Variants in DIAPH2 observed in about 807,000 individuals in gnomAD.
DIAPH2 encodes the protein protein diaphanous homolog 2.
In DIAPH2, 35 loss-of-function variants were observed where a neutral mutation model predicts 92.7. The observed-to-expected ratio is 0.38, with a 90% CI of 0.29 to 0.50. The LOEUF is 0.50. DIAPH2 is among the 20% of genes least tolerant of loss of function. The probability of loss-of-function intolerance (pLI) is 0.94; values close to 1 mark genes in which losing one functional copy is unlikely to be tolerated. For synonymous variants in DIAPH2, 301 were observed against 280.4 expected, an observed-to-expected ratio of 1.07 and a Z score of -0.73; for missense variants, 701 against 819.5, an observed-to-expected ratio of 0.86 and a Z score of 1.77.
At chrX:97,233,609 G>A (rs1410348124) in intron 22 of DIAPH2, among the ~76,000 whole-genome samples, 1 of 111,379 alleles carries the variant, frequency 9.0e-6, no homozygotes, top group Non-Finnish European at 1.9e-5. Flanking sequence ...CTATAAGATG[G>A]GATAATGGAG....
At chrX:97,275,860 GC>G (rs1366246613) in intron 23 of DIAPH2, among the ~76,000 whole-genome samples, 1 of 111,734 alleles carries the variant, frequency 8.9e-6, no homozygotes, top group Non-Finnish European at 1.9e-5. Flanking sequence ...GACGCTCCTT[GC>G]TTCCCAGACT....
intron 22 of DIAPH2, among the ~76,000 whole-genome samples, chrX:97,208,401 C>A (rs767056146): frequency 8.9e-6 from 1 of 112,041 alleles, no homozygotes; most frequent in East Asian, 2.8e-4. Flanking sequence ...AAGGAGTCAA[C>A]CAGTTCTGCA....
At chrX:97,036,615 A>C (rs2066412355) in intron 17 of DIAPH2, among the ~76,000 whole-genome samples, 1 of 112,035 alleles carries the variant, frequency 8.9e-6, no homozygotes, top group African/African-American at 3.2e-5. Context: ...TGGAGCTGGT[A>C]ATCAGAATAG....
chrX:97,387,000 G>A (rs908053134), intron 25 of DIAPH2, among the ~76,000 whole-genome samples: 5 of 110,969 alleles, frequency 4.5e-5, no homozygotes, highest in Non-Finnish European at 9.4e-5. Context: ...TTATAAACTG[G>A]AAAATGATGT....
Position 96,808,539 on chromosome X carries a change from C to T in DIAPH2, c.447+50281C>T, listed in dbSNP as rs1301779103. Among the ~76,000 whole-genome samples, 2 of 111,346 alleles carry T rather than the reference C, an allele frequency of 1.8e-5. 1 individual carries two copies. The highest frequency in any genetic ancestry group is 3.8e-5 in the Non-Finnish European group (2 of 52,979). On this transcript the variant is annotated intron_variant, in intron 4 of 26. Transcript: ENST00000324765. The stretch of plus-strand genomic sequence containing the variant: ...CATAAACATGGTAATGCTCAATTGT[C>T]CATTAAGGAAGACATTTCACATTTT...
In DIAPH2 at chrX:97,042,564, G is replaced by A. The variant is rs2066454979; in HGVS notation, c.2051-30377G>A. 4.5e-5 allele frequency among the ~76,000 whole-genome samples: 5 copies of A among 111,887 alleles called. No homozygotes were observed. In the Admixed American group the frequency reaches 4.7e-4, roughly 11 times the overall value. On this transcript the variant is annotated intron_variant, in intron 17 of 26. Coordinates refer to ENST00000324765, the MANE Select transcript of DIAPH2 (RefSeq NM_006729.5). ...TTACTATCATACCAACTTTTCCCAT[G>A]TGTGCATGTGTGTATACATGTGTAT...
chrX:97,516,270 T>TA (rs1034274481), intron 26 of DIAPH2, among the ~76,000 whole-genome samples: 3 of 106,677 alleles, frequency 2.8e-5, no homozygotes, highest in African/African-American at 1.0e-4. Context: ...AAATAATAAA[T>TA]AAAAAAAAAG....
chrX:97,186,738 C>T (rs1319439267), intron 22 of DIAPH2, among the ~76,000 whole-genome samples: 1 of 111,956 alleles, frequency 8.9e-6, no homozygotes, highest in African/African-American at 3.2e-5. Flanking sequence ...AACTGGCTTG[C>T]ATACTACAGG....
At chrX:97,103,763 G>T (rs187595975) in intron 20 of DIAPH2, among the ~76,000 whole-genome samples, 1 of 111,898 alleles carries the variant, frequency 8.9e-6, no homozygotes, top group African/African-American at 3.3e-5. Flanking sequence ...TAGCACTAAA[G>T]CTACAGCATT....
At chrX:97,589,146 CAT>C (rs1271248443) in intron 26 of DIAPH2, among the ~76,000 whole-genome samples, 1 of 98,775 alleles carries the variant, frequency 1.0e-5, no homozygotes, top group African/African-American at 3.6e-5. Flanking sequence ...GGTGAAACCC[CAT>C]CTCTACTAAA....
At chrX:97,042,919 T>A (rs1313057315) in intron 17 of DIAPH2, among the ~76,000 whole-genome samples, 1 of 111,518 alleles carries the variant, frequency 9.0e-6, no homozygotes, top group Non-Finnish European at 1.9e-5. Context: ...TTTTAAAGAA[T>A]ACTTGTCTGG....
At position 97,160,525 on chromosome X, in the gene DIAPH2, G is replaced by C. The variant is rs766498917; in HGVS notation, c.2719+18731G>C. On this transcript the variant is annotated intron_variant, in intron 22 of 26. Coordinates refer to ENST00000324765, the MANE Select transcript of DIAPH2 (RefSeq NM_006729.5). Reference sequence around the variant, plus strand: ...TTAAATTATCTTGGGAACAGTGTCAGATATATATATATTGCTAAGGCATAC... The same window carrying C: ...TTAAATTATCTTGGGAACAGTGTCACATATATATATATTGCTAAGGCATAC... Among the ~76,000 whole-genome samples the C allele has an allele frequency of 1.3e-3, 140 of 111,179 alleles. No homozygotes were observed. In the Middle Eastern group the frequency reaches 0.014, roughly 11 times the overall value.
At chrX:97,451,104 A>C (rs1569400797) in intron 26 of DIAPH2, among the ~76,000 whole-genome samples, 1 of 111,477 alleles carries the variant, frequency 9.0e-6, no homozygotes, top group Non-Finnish European at 1.9e-5. Flanking sequence ...TATTTCCTAC[A>C]GTGGCTAAGA....
chrX:97,123,391 T>A (rs2067070671), intron 21 of DIAPH2, among the ~76,000 whole-genome samples: 1 of 112,332 alleles, frequency 8.9e-6, no homozygotes, highest in African/African-American at 3.2e-5. Flanking sequence ...AATATGTAAT[T>A]TTTCAAAGGC....
chrX:96,849,521 A>T (rs1013704838), intron 4 of DIAPH2, among the ~76,000 whole-genome samples: 1 of 111,425 alleles, frequency 9.0e-6, no homozygotes, highest in East Asian at 2.8e-4. Context: ...TAGGATGCCC[A>T]CTATTTGTGT....
At chrX:97,506,322 G>T (rs1487400511) in intron 26 of DIAPH2, among the ~76,000 whole-genome samples, 5 of 106,891 alleles carry the variant, frequency 4.7e-5, no homozygotes, top group Non-Finnish European at 9.6e-5. Flanking sequence ...GCTAATTTTT[G>T]CATTTTTTAG....
intron 19 of DIAPH2, among the ~76,000 whole-genome samples, chrX:97,086,865 G>T (rs1486955206): frequency 1.8e-5 from 2 of 111,278 alleles, no homozygotes; most frequent in Non-Finnish European, 1.9e-5. Context: ...AAAGCCCATT[G>T]TTTGACCTGT....
chrX:97,451,999 G>C (rs1424519283), intron 26 of DIAPH2, among the ~76,000 whole-genome samples: 1 of 110,950 alleles, frequency 9.0e-6, no homozygotes, highest in East Asian at 2.8e-4. Context: ...AAATTATTTT[G>C]GATCAAGGAC....
At chrX:97,320,553 A>G (rs2068883853) in intron 23 of DIAPH2, among the ~76,000 whole-genome samples, 3 of 110,080 alleles carry the variant, frequency 2.7e-5, no homozygotes, top group South Asian at 4.0e-4. Flanking sequence ...TGTCTATACT[A>G]AAAATACAAA....
Sources: allele counts gnomAD v4.1 joint callset (sites outside exome capture counted in the v4.1 genomes callset), GRCh38; gene constraint gnomAD v4.1.1; transcripts MANE v1.5; gene names NCBI Gene and HGNC (gene_info 2026-07-23, HGNC 2026-07-21).